The following DMBT1 variants were observed in gnomAD, a reference collection of about 807,000 sequenced individuals.
The protein encoded by DMBT1 is scavenger receptor cysteine-rich domain-containing protein DMBT1.
Under a neutral mutation model 252.9 loss-of-function variants are expected in DMBT1, and 198 were observed. That is an observed-to-expected ratio of 0.78 (90% confidence interval 0.70 to 0.88). The LOEUF (loss-of-function observed/expected upper bound fraction) is 0.88. Among genes scored for constraint, DMBT1 ranks in the 40% least tolerant of loss-of-function variants. The pLI is 0.00. For synonymous variants in DMBT1, 990 were observed against 942.7 expected, an observed-to-expected ratio of 1.05 and a Z score of -0.92; for missense variants, 2,432 against 2,404.7, an observed-to-expected ratio of 1.01 and a Z score of -0.24.
chr10:122,572,509 TATGTGC>T, intron 5 of DMBT1, 148 bp downstream of exon 5: 1 of 1,105,658 alleles, frequency 9.0e-7, no homozygotes, highest in Non-Finnish European at 1.4e-6. Context: ...TTGTGCTGTG[TATGTGC>T]AACTCTGAGT....
chr10:122,598,885 A>G lies in DMBT1; in HGVS notation c.3068A>G (p.Asp1023Gly), dbSNP rs2097911498. 1 of 1,613,704 alleles carries G rather than the reference A, an allele frequency of 6.2e-7. No individual in the cohort carries two copies. The highest frequency in any genetic ancestry group is 8.5e-7 in the Non-Finnish European group (1 of 1,179,788). Reference protein sequence around the residue: ...SWGTVCDDSWDTNDANVVCRQ... With the variant: ...SWGTVCDDSWGTNDANVVCRQ... ...GGCACCGTGTGCGATGACAGCTGGG[A>G]CACCAATGATGCCAATGTCGTCTGC... Residue 1023 changes from aspartate to glycine, a missense_variant, in exon 26 of 56, where the codon GAC becomes GGC. This residue lies in a region of DMBT1 where 1,264 missense variants were observed against 1,082.2 expected (regional missense o/e 1.17). Coordinates refer to ENST00000338354, the MANE Select transcript of DMBT1 (RefSeq NM_001377530.1).
chr10:122,598,093 G>T lies in DMBT1; in HGVS notation c.2956+81G>T. ...TTTTTCTGAAAATGATAGGATGAGG[G>T]TCAAGGTGGGCCCCTCTCTTTTTCA... On this transcript the variant is annotated intron_variant, in intron 25 of 55. Transcript: ENST00000338354. 5 of 1,595,534 alleles carry T rather than the reference G, an allele frequency of 3.1e-6. No individual in the cohort carries two copies. In the South Asian group the frequency reaches 5.5e-5, roughly 18 times the overall value.
At chr10:122,580,439 G>T (rs573656437) in intron 10 of DMBT1, among the ~76,000 whole-genome samples, 11 of 152,352 alleles carry the variant, frequency 7.2e-5, no homozygotes, top group African/African-American at 2.4e-4. Flanking sequence ...ACGCTGCTGA[G>T]CATTGCCTGT....
rs933729260 is a variant in DMBT1, at chr10:122,592,655, C to A, written c.2500+60C>A. On this transcript the variant is annotated intron_variant, in intron 20 of 55. Transcript: ENST00000338354. ...ACTGGAGTTTGCTCAGGAAGAAAATCCTAATTACATTCTGATCTCCTCACT... is the reference window on the plus strand; with the variant it reads ...ACTGGAGTTTGCTCAGGAAGAAAATACTAATTACATTCTGATCTCCTCACT... 2.2e-5 allele frequency: 35 copies of A among 1,581,448 alleles called. 5 individuals are homozygous for A. The highest frequency in any genetic ancestry group is 7.0e-5 in the South Asian group (6 of 85,668).
chr10:122,587,218 G>A lies in DMBT1; in HGVS notation c.1783+835G>A, dbSNP rs751266901. On this transcript the variant is annotated intron_variant, in intron 16 of 55. Coordinates refer to ENST00000338354, the MANE Select transcript of DMBT1 (RefSeq NM_001377530.1). ...GGTGAGGTGGATGCAGCACATATAGGCATTGAGGGAGGGACGGTCTGACTG... is the reference window on the plus strand; with the variant it reads ...GGTGAGGTGGATGCAGCACATATAGACATTGAGGGAGGGACGGTCTGACTG... Among the ~76,000 whole-genome samples the A allele has an allele frequency of 1.1e-4, 16 of 148,496 alleles. 2 individuals carry two copies. Among genetic ancestry groups the A allele is most frequent in the Non-Finnish European group, 1.3e-4 (9 of 66,692 alleles).
rs959128159 is a variant in DMBT1 at position 122,590,803 on chromosome 10, T to C, written c.2137+109T>C. The C allele has an allele frequency of 6.6e-6, 9 of 1,361,962 alleles. 1 individual carries two copies. Among genetic ancestry groups the C allele is most frequent in the African/African-American group, 4.2e-5 (3 of 71,924 alleles). The allele number at this position is 1,361,962 out of a possible 1,614,324, so 84.4% of individuals were successfully genotyped here. A position where few individuals can be genotyped will look rare whatever the true frequency, so the allele number is the denominator to read the frequency against. On this transcript the variant is annotated intron_variant, in intron 18 of 55. Coordinates refer to ENST00000338354, the MANE Select transcript of DMBT1 (RefSeq NM_001377530.1). ...TTACCTGTGTGGATACTGTGGGTCA[T>C]ACTATTTTCCCTGCTCTGTAACTGA... is the stretch of plus-strand genomic sequence containing the variant.
At chr10:122,617,729 G>T (rs985686109) in intron 40 of DMBT1, among the ~76,000 whole-genome samples, 5 of 151,642 alleles carry the variant, frequency 3.3e-5, no homozygotes, top group South Asian at 4.2e-4. Context: ...GAGCTGTGGA[G>T]CTCCATCCTG....
chr10:122,621,354 A>AG lies in DMBT1; in HGVS notation c.5582_5583insG (p.His1861GlnfsTer60). ...TGGCTCACCCACAACTGTGGCCATC[A>AG]CGAAGACGCTGGTGTCATCTGCTCA... On this transcript the variant is annotated frameshift_variant, in exon 44 of 56. Transcript: ENST00000338354. LOFTEE classifies it high-confidence loss of function. 1 of 1,613,796 alleles carries AG rather than the reference A, an allele frequency of 6.2e-7. No homozygotes were observed. Among genetic ancestry groups the AG allele is most frequent in the Non-Finnish European group, 8.5e-7 (1 of 1,179,720 alleles).
At chr10:122,589,712 G>A (rs1211936172) in intron 17 of DMBT1, among the ~76,000 whole-genome samples, 4 of 148,374 alleles carry the variant, frequency 2.7e-5, no homozygotes, top group Admixed American at 6.7e-5. Flanking sequence ...TGGGGAGGTG[G>A]CCTGAGCAGA....
chr10:122,624,066 T>C (rs2098096086), intron 44 of DMBT1, among the ~76,000 whole-genome samples: 1 of 152,170 alleles, frequency 6.6e-6, no homozygotes. Context: ...GGGTGGTCCC[T>C]GTGAGCAGAG....
At chr10:122,630,633 G>T in intron 48 of DMBT1, 143 bp downstream of exon 48, 1 of 967,774 alleles carries the variant, frequency 1.0e-6, no homozygotes, top group South Asian at 1.7e-5. Flanking sequence ...CTGACTGTGT[G>T]GGCAGGCCCT....
chr10:122,563,804 G>A (rs2097568098), intron 1 of DMBT1, among the ~76,000 whole-genome samples: 1 of 152,198 alleles, frequency 6.6e-6, no homozygotes, highest in African/African-American at 2.4e-5. Flanking sequence ...TGCTGTGGAT[G>A]AGCCTTGTCA....
intron 9 of DMBT1, among the ~76,000 whole-genome samples, 152 bp downstream of exon 9, chr10:122,578,911 A>C (rs1404461080): frequency 6.6e-6 from 1 of 152,150 alleles, no homozygotes; most frequent in Non-Finnish European, 1.5e-5. Flanking sequence ...TTGGCTCAAG[A>C]GTCAGCTCGG....
At position 122,585,919 on chromosome 10, in the gene DMBT1, A is replaced by T; in HGVS notation, c.1460-141A>T. 3 of 1,477,782 alleles carry T rather than the reference A, an allele frequency of 2.0e-6. No individual in the cohort carries two copies. The South Asian group carries it at 4.1e-5, about 20-fold the overall frequency. 91.5% of individuals were successfully genotyped at this position (1,477,782 alleles called of 1,614,324 possible). On this transcript the variant is annotated intron_variant, in intron 15 of 55. Coordinates refer to ENST00000338354, the MANE Select transcript of DMBT1 (RefSeq NM_001377530.1). ...GCTTCTTTGACTTTGATGAAGCTGAATCTCTGGTTTTATTCATATTCAAAG... is the reference window on the plus strand; with the variant it reads ...GCTTCTTTGACTTTGATGAAGCTGATTCTCTGGTTTTATTCATATTCAAAG...
chr10:122,590,747 TC>T lies in DMBT1; in HGVS notation c.2137+55del. ...TGTCCCTTTTCTTTCTGCACAATTA[TC>T]CTTTTTCCCATTCCACAGAGCCCTC... On this transcript the variant is annotated intron_variant, in intron 18 of 55. Transcript: ENST00000338354. 3 of 1,567,166 alleles carry T rather than the reference TC, an allele frequency of 1.9e-6. 1 individual carries two copies. Among genetic ancestry groups the T allele is most frequent in the Admixed American group, 1.7e-5 (1 of 59,326 alleles).
In DMBT1 at chr10:122,565,573, A is replaced by G. The variant is rs191022888; in HGVS notation, c.62-394A>G. Among the ~76,000 whole-genome samples the G allele has an allele frequency of 4.0e-4, 59 of 148,884 alleles. No individual in the cohort carries two copies. In the East Asian group the frequency reaches 0.012, roughly 30 times the overall value. On this transcript the variant is annotated intron_variant, in intron 1 of 55. Coordinates refer to ENST00000338354, the MANE Select transcript of DMBT1 (RefSeq NM_001377530.1). ...GGAACAGAATATCTGACATTAACAT[A>G]TTTTCTTCTTTAGGGGTCATCTGAG...
At chr10:122,573,877 G>T in intron 6 of DMBT1, 115 bp downstream of exon 6, 1 of 1,321,662 alleles carries the variant, frequency 7.6e-7, no homozygotes. Context: ...TAGCTCCCAC[G>T]AGGGGCCCTT....
chr10:122,568,306 G>A (rs2133514078), intron 2 of DMBT1, among the ~76,000 whole-genome samples: 1 of 152,246 alleles, frequency 6.6e-6, no homozygotes, highest in South Asian at 2.1e-4. Flanking sequence ...TGAAAATGCT[G>A]GTCTAGAGCT....
At chr10:122,593,312 T>C (rs1469767844) in intron 20 of DMBT1, among the ~76,000 whole-genome samples, 1 of 147,908 alleles carries the variant, frequency 6.8e-6, no homozygotes, top group African/African-American at 2.4e-5. Flanking sequence ...TGCAAGGGAG[T>C]GGGTTGGTTT....
Sources: allele counts gnomAD v4.1 joint callset (sites outside exome capture counted in the v4.1 genomes callset), GRCh38; gene constraint gnomAD v4.1.1; regional missense constraint gnomAD v4.1.1; transcripts MANE v1.5; gene names NCBI Gene and HGNC (gene_info 2026-07-23, HGNC 2026-07-21).